DNAI4: variants seen among roughly 807,000 people sequenced by gnomAD.
The protein encoded by DNAI4 is WD repeat domain 78.
DNAI4 carries 85 observed loss-of-function variants against 105.8 expected under a neutral mutation model. That is an observed-to-expected ratio of 0.80 (90% confidence interval 0.67 to 0.96). The LOEUF is 0.96. DNAI4 is among the 40% of genes least tolerant of loss of function. The probability of loss-of-function intolerance (pLI) is 0.00; values close to 1 mark genes in which losing one functional copy is unlikely to be tolerated. For synonymous variants in DNAI4, 352 were observed against 331.5 expected (o/e 1.06, Z -0.67); for missense variants, 1,014 against 1,005.6 (o/e 1.01, Z -0.11).
chr1:66,813,181 AG>A lies in DNAI4; in HGVS notation c.*948del, dbSNP rs1645450226. 6.6e-6 allele frequency: 1 copy of A among 152,438 alleles called. No homozygotes were observed. The highest frequency in any genetic ancestry group is 1.9e-4 in the East Asian group (1 of 5,320). 9.4% of individuals were successfully genotyped at this position (152,438 alleles called of 1,614,324 possible). ...TACATATTTTTTTTCCAGAGAGTTTAGTGAATTTCATATGCCCTATCGTCTC... is the reference window on the plus strand; with the variant it reads ...TACATATTTTTTTTCCAGAGAGTTTATGAATTTCATATGCCCTATCGTCTC... On this transcript the variant is annotated 3_prime_UTR_variant, in exon 17 of 17. Transcript: ENST00000371026.
rs532404241 is a variant in DNAI4 at position 66,890,854 on chromosome 1, A to G, written c.643+300T>C. On this transcript the variant is annotated intron_variant, in intron 4 of 16. Coordinates refer to ENST00000371026, the MANE Select transcript of DNAI4 (RefSeq NM_024763.5). The surrounding 1 kb of genome is among the most constrained non-coding windows in gnomAD (Gnocchi z 4.1). Reference sequence around the variant, plus strand: ...AAGAGGAAGAAAAGGAAGAGGAAGAAGAAGAGGAAGAGGAAGAAGAAGAAG... The same window carrying G: ...AAGAGGAAGAAAAGGAAGAGGAAGAGGAAGAGGAAGAGGAAGAAGAAGAAG... The G allele has an allele frequency of 2.3e-5, 8 of 346,050 alleles. No homozygotes were observed. The highest frequency in any genetic ancestry group is 3.1e-5 in the Non-Finnish European group (6 of 192,804). The allele number at this position is 346,050 out of a possible 1,614,324, so 21.4% of individuals were successfully genotyped here.
At chr1:66,852,040 A>G (rs561917878) in intron 7 of DNAI4, among the ~76,000 whole-genome samples, 2 of 152,064 alleles carry the variant, frequency 1.3e-5, no homozygotes, top group African/African-American at 4.8e-5. Context: ...GAGAGAAAAA[A>G]TAAATTATCA....
intron 6 of DNAI4, among the ~76,000 whole-genome samples, chr1:66,866,496 G>A (rs1403070701): frequency 6.6e-6 from 1 of 152,014 alleles, no homozygotes; most frequent in Non-Finnish European, 1.5e-5. Flanking sequence ...TTCTATGTTT[G>A]GTGAACAGCT....
chr1:66,836,209 A>AAAGAAAGAAAGG (rs1557908311), intron 10 of DNAI4, among the ~76,000 whole-genome samples: 1 of 42,598 alleles, frequency 2.3e-5, no homozygotes, highest in Non-Finnish European at 4.8e-5. Context: ...AGAAAGAAAG[A>AAAGAAAGAAAGG]GAGAGAGAGA....
intron 13 of DNAI4, among the ~76,000 whole-genome samples, chr1:66,831,198 C>T (rs1645860234): frequency 6.6e-6 from 1 of 151,718 alleles, no homozygotes; most frequent in Non-Finnish European, 1.5e-5. Context: ...AAAAATCTCC[C>T]CACAAAGAAA....
At chr1:66,905,144 C>T in intron 2 of DNAI4, 57 bp downstream of exon 2, 1 of 1,274,428 alleles carries the variant, frequency 7.8e-7, no homozygotes, top group Non-Finnish European at 1.1e-6. Flanking sequence ...TTTAACATTT[C>T]AATTGAGTTT....
chr1:66,834,325 T>C (rs1295912251), intron 11 of DNAI4, among the ~76,000 whole-genome samples, 177 bp from the exon 12 acceptor site: 1 of 152,016 alleles, frequency 6.6e-6, no homozygotes, highest in Non-Finnish European at 1.5e-5. Flanking sequence ...GACAACCACT[T>C]TTCTACTTAA....
At chr1:66,911,751 A>T (rs1649672549) in intron 1 of DNAI4, among the ~76,000 whole-genome samples, 1 of 152,248 alleles carries the variant, frequency 6.6e-6, no homozygotes, top group Admixed American at 6.5e-5. Context: ...CTTACTCTTC[A>T]TACTTGTGAA....
rs1489007709 is a variant in DNAI4 at position 66,890,441 on chromosome 1, A to C, written c.643+713T>G. 2 of 152,492 alleles carry C rather than the reference A, an allele frequency of 1.3e-5. No homozygotes were observed. The highest frequency in any genetic ancestry group is 3.8e-4 in the East Asian group (2 of 5,202). The allele number at this position is 152,492 out of a possible 1,614,324, so 9.4% of individuals were successfully genotyped here. On this transcript the variant is annotated intron_variant, in intron 4 of 16. Coordinates refer to ENST00000371026, the MANE Select transcript of DNAI4 (RefSeq NM_024763.5). This position sits in a 1 kb window ranked among gnomAD's most constrained non-coding sequence, Gnocchi z 4.1. Reference sequence around the variant, plus strand: ...ATGAAACCCCGTCTCTATTAAAAATACAAAAAAATTAGCCAGGCATGGTGG... The same window carrying C: ...ATGAAACCCCGTCTCTATTAAAAATCCAAAAAAATTAGCCAGGCATGGTGG...
intron 5 of DNAI4, among the ~76,000 whole-genome samples, chr1:66,872,036 A>T (rs1646857860): frequency 6.6e-6 from 1 of 152,078 alleles, no homozygotes; most frequent in Admixed American, 6.6e-5. Flanking sequence ...CTAATTGTTG[A>T]GTGCAGAAGT....
chr1:66,883,290 T>G (rs1489459331), intron 4 of DNAI4, among the ~76,000 whole-genome samples: 1 of 151,800 alleles, frequency 6.6e-6, no homozygotes, highest in African/African-American at 2.4e-5. Context: ...TGTATAAACT[T>G]TTTTTGAGAC....
In DNAI4 at chr1:66,827,836, G is replaced by A. The variant is rs754289076; in HGVS notation, c.2088C>T (p.Tyr696=). The change falls in exon 14 of 17, where the codon TAC becomes TAT. Residue 696 remains tyrosine, a synonymous_variant. Transcript: ENST00000371026. ...HKCSCSYNEQ[Y]LDTYRGHKGP... ...CCTTATGTCCTCTGTAGGTATCTAAGTATTGTTCATTATATGAACAAGAAC... is the reference window on the plus strand; with the variant it reads ...CCTTATGTCCTCTGTAGGTATCTAAATATTGTTCATTATATGAACAAGAAC... 4.4e-6 allele frequency: 7 copies of A among 1,597,852 alleles called. No individual in the cohort carries two copies. In the South Asian group the frequency reaches 6.8e-5, roughly 15 times the overall value.
At chr1:66,837,382 A>AAAC (rs1292206848) in intron 10 of DNAI4, among the ~76,000 whole-genome samples, 3 of 151,644 alleles carry the variant, frequency 2.0e-5, no homozygotes, top group Non-Finnish European at 4.4e-5. Flanking sequence ...AAAAAAAAAA[A>AAAC]AACATAATTT....
At position 66,905,381 on chromosome 1, in the gene DNAI4, T is replaced by G; in HGVS notation, c.171-6A>C. On this transcript the variant is annotated splice_polypyrimidine_tract_variant and splice_region_variant and intron_variant, in intron 1 of 16. Coordinates refer to ENST00000371026, the MANE Select transcript of DNAI4 (RefSeq NM_024763.5). Reference sequence around the variant, plus strand: ...TTGGTTGTGTGGCATTGTTCCTATATAAGAAAAATAAAATATAATGCAAAG... The same window carrying G: ...TTGGTTGTGTGGCATTGTTCCTATAGAAGAAAAATAAAATATAATGCAAAG... The G allele has an allele frequency of 7.1e-7, 1 of 1,411,478 alleles. No individual in the cohort carries two copies. The highest frequency in any genetic ancestry group is 9.4e-7 in the Non-Finnish European group (1 of 1,067,494). 87.4% of individuals were successfully genotyped at this position (1,411,478 alleles called of 1,614,324 possible). A position where few individuals can be genotyped will look rare whatever the true frequency, so the allele number is the denominator to read the frequency against.
intron 1 of DNAI4, among the ~76,000 whole-genome samples, chr1:66,914,381 T>C (rs1177215700): frequency 6.6e-6 from 1 of 152,226 alleles, no homozygotes; most frequent in Admixed American, 6.5e-5. Context: ...AAAAACCAGT[T>C]TTGATCCAAC....
At chr1:66,837,644 T>C in intron 10 of DNAI4, 66 bp downstream of exon 10, 1 of 1,455,192 alleles carries the variant, frequency 6.9e-7, no homozygotes, top group South Asian at 1.3e-5. Context: ...TTACATGTAA[T>C]TATATATTTT....
intron 8 of DNAI4, among the ~76,000 whole-genome samples, chr1:66,841,944 AAT>A (rs1437294421): frequency 6.6e-6 from 1 of 152,206 alleles, no homozygotes; most frequent in African/African-American, 2.4e-5. Flanking sequence ...TACCATATGG[AAT>A]AGTTTCACTG....
intron 5 of DNAI4, among the ~76,000 whole-genome samples, chr1:66,872,105 TG>T (rs1171047739): frequency 2.7e-4 from 41 of 152,320 alleles, no homozygotes; most frequent in Admixed American, 1.6e-3. Context: ...ATGTGTTCTC[TG>T]GTTGACCTAC....
At chr1:66,823,103 C>T (rs764426558) in intron 15 of DNAI4, among the ~76,000 whole-genome samples, 29 of 147,848 alleles carry the variant, frequency 2.0e-4, no homozygotes, top group Admixed American at 4.7e-4. Flanking sequence ...GTTCCCCTTC[C>T]CGTGTCCATG....
Sources: gnomAD v4.1 joint callset for allele counts (sites outside exome capture counted in the v4.1 genomes callset) on GRCh38, gnomAD v4.1.1 for gene constraint, Gnocchi (gnomAD v3.1) non-coding constraint, MANE v1.5 for transcripts, NCBI Gene and HGNC (gene_info 2026-07-23, HGNC 2026-07-21) for gene names.